The following CACNA2D3 variants were observed in gnomAD, a reference collection of about 807,000 sequenced individuals.
CACNA2D3 encodes the protein voltage-dependent calcium channel subunit alpha-2/delta-3.
CACNA2D3 carries 60 observed loss-of-function variants against 160.6 expected under a neutral mutation model. The observed-to-expected ratio is 0.37, with a 90% CI of 0.30 to 0.46. CACNA2D3 has a LOEUF of 0.46. CACNA2D3 is among the 20% of genes least tolerant of loss of function. The pLI is 1.00. For synonymous variants in CACNA2D3, 558 were observed against 492.9 expected (o/e 1.13, Z -1.75); for missense variants, 1,205 against 1,365.0 (o/e 0.88, Z 1.85).
intron 11 of CACNA2D3, among the ~76,000 whole-genome samples, chr3:54,742,636 T>C (rs986503261): frequency 4.6e-5 from 7 of 151,880 alleles, no homozygotes; most frequent in African/African-American, 1.5e-4. Flanking sequence ...AAAGGAGAGA[T>C]TTCCACTGAA....
chr3:54,316,810 A>G (rs2107504481), intron 2 of CACNA2D3, among the ~76,000 whole-genome samples: 1 of 152,362 alleles, frequency 6.6e-6, no homozygotes, highest in Admixed American at 6.5e-5. Flanking sequence ...TTAGAGTTCA[A>G]TAAATCGATT....
chr3:54,321,976 ATAT>A, intron 3 of CACNA2D3, among the ~76,000 whole-genome samples: 1 of 151,646 alleles, frequency 6.6e-6, no homozygotes, highest in South Asian at 2.1e-4. Flanking sequence ...AGAGGGGGAC[ATAT>A]TATTTTAGCA....
intron 4 of CACNA2D3, among the ~76,000 whole-genome samples, chr3:54,399,909 C>T (rs1329606223): frequency 8.1e-6 from 1 of 122,836 alleles, no homozygotes; most frequent in Non-Finnish European, 1.7e-5. Context: ...CTCGTTGCCG[C>T]CTTGCAGTTT....
At chr3:54,259,746 C>T (rs1702369570) in intron 2 of CACNA2D3, among the ~76,000 whole-genome samples, 1 of 152,170 alleles carries the variant, frequency 6.6e-6, no homozygotes, top group African/African-American at 2.4e-5. Flanking sequence ...AGGAAACATA[C>T]AAAATTAAAC....
intron 3 of CACNA2D3, among the ~76,000 whole-genome samples, chr3:54,337,789 A>G (rs1704419301): frequency 6.6e-6 from 1 of 152,186 alleles, no homozygotes; most frequent in African/African-American, 2.4e-5. Context: ...AGGTGGCTAT[A>G]TAACATTGGC....
chr3:54,282,073 C>T (rs7619571), intron 2 of CACNA2D3, among the ~76,000 whole-genome samples: 84,317 of 152,080 alleles, frequency 0.55, 23,813 homozygotes, highest in East Asian at 0.72. Context: ...ATAGAAGGCT[C>T]TTCATCACAT....
chr3:54,443,789 T>A (rs750737321), intron 4 of CACNA2D3, among the ~76,000 whole-genome samples: 6 of 152,218 alleles, frequency 3.9e-5, no homozygotes, highest in Non-Finnish European at 8.8e-5. Context: ...GAAAACAAGT[T>A]TCACGGTTTC....
Position 54,675,074 on chromosome 3 carries a change from C to T in CACNA2D3, c.1167+32833C>T, listed in dbSNP as rs563957305. 1.1e-4 allele frequency among the ~76,000 whole-genome samples: 16 copies of T among 152,208 alleles called. 1 individual carries two copies. In the South Asian group the frequency reaches 3.1e-3, roughly 30 times the overall value. On this transcript the variant is annotated intron_variant, in intron 11 of 37. Transcript: ENST00000474759. ...ATGGTTAGTCTAGCCTGACAAAAAG[C>T]GCACCACAGGATCTGGGCTTTTTCA...
chr3:54,347,317 C>G (rs1268202860), intron 3 of CACNA2D3, among the ~76,000 whole-genome samples: 1 of 152,186 alleles, frequency 6.6e-6, no homozygotes, highest in African/African-American at 2.4e-5. Flanking sequence ...ATCTCTTAAC[C>G]AGTGCACTTT....
chr3:54,846,941 T>C (rs556716100), intron 17 of CACNA2D3, among the ~76,000 whole-genome samples: 1 of 152,396 alleles, frequency 6.6e-6, no homozygotes, highest in East Asian at 1.9e-4. Context: ...GTCTTGTGGA[T>C]AGAAGCTATT....
chr3:54,721,657 A>G (rs933764731), intron 11 of CACNA2D3, among the ~76,000 whole-genome samples: 2 of 151,010 alleles, frequency 1.3e-5, no homozygotes, highest in African/African-American at 4.9e-5. Flanking sequence ...ACTACTTGGG[A>G]GGCTGAGACC....
intron 13 of CACNA2D3, among the ~76,000 whole-genome samples, chr3:54,793,422 T>G (rs1178940601): frequency 6.6e-6 from 1 of 152,248 alleles, no homozygotes; most frequent in African/African-American, 2.4e-5. Context: ...TTTGAGCTAC[T>G]TAAGCTTTTC....
chr3:54,678,451 G>C (rs778905349), intron 11 of CACNA2D3, among the ~76,000 whole-genome samples: 22 of 152,084 alleles, frequency 1.4e-4, no homozygotes, highest in Admixed American at 9.8e-4. Context: ...GGCCGGGCGC[G>C]GTGGCTCACG....
At chr3:55,010,904 G>A (rs939763327) in intron 34 of CACNA2D3, among the ~76,000 whole-genome samples, 1 of 152,196 alleles carries the variant, frequency 6.6e-6, no homozygotes, top group East Asian at 1.9e-4. Flanking sequence ...TTGATGGTAG[G>A]AGCTGTGTCT....
At chr3:54,855,221 G>A (rs1296831152) in intron 17 of CACNA2D3, among the ~76,000 whole-genome samples, 2 of 152,138 alleles carry the variant, frequency 1.3e-5, no homozygotes, top group Non-Finnish European at 2.9e-5. Flanking sequence ...GGGGAGTCAG[G>A]CTGTGTGTTC....
intron 4 of CACNA2D3, among the ~76,000 whole-genome samples, chr3:54,439,376 G>T (rs1175533076): frequency 6.6e-6 from 1 of 151,932 alleles, no homozygotes; most frequent in Non-Finnish European, 1.5e-5. Context: ...CTCAAGGGCA[G>T]CAGAATAATC....
At chr3:54,658,117 G>A (rs930556327) in intron 11 of CACNA2D3, among the ~76,000 whole-genome samples, 2 of 152,350 alleles carry the variant, frequency 1.3e-5, no homozygotes, top group Admixed American at 1.3e-4. Context: ...TATCTGGGCT[G>A]TTGTGAATAG....
Position 54,562,836 on chromosome 3 carries a change from C to G in CACNA2D3, c.581C>G (p.Ser194Cys), listed in dbSNP as rs1276494183. 3 of 1,612,912 alleles carry G rather than the reference C, an allele frequency of 1.9e-6. No individual in the cohort carries two copies. Among genetic ancestry groups the G allele is most frequent in the East Asian group, 2.2e-5 (1 of 44,860 alleles). ...GTCAATGGGGTTTATTGGTCTGAAT[C>G]TCTAAACAAAGTTTTTGTAGATAAC... Reference protein sequence around the residue: ...AIVNGVYWSESLNKVFVDNFD... With the variant: ...AIVNGVYWSECLNKVFVDNFD... The change falls in exon 6 of 38, where the codon TCT becomes TGT. Residue 194 changes from serine (S) to cysteine (C), a missense_variant. By Grantham distance (112) the Ser-to-Cys change is moderately radical. Around this residue, in one of 3 missense-constraint regions of CACNA2D3, gnomAD observed 131 missense variants for 201.5 expected, o/e 0.65. Transcript: ENST00000474759.
At chr3:55,010,194 T>G (rs78027400) in intron 34 of CACNA2D3, among the ~76,000 whole-genome samples, 1 of 151,824 alleles carries the variant, frequency 6.6e-6, no homozygotes, top group South Asian at 2.1e-4. Context: ...TGAGTACACA[T>G]GGACACAAAG....
Sources: allele counts gnomAD v4.1 joint callset (sites outside exome capture counted in the v4.1 genomes callset), GRCh38; gene constraint gnomAD v4.1.1; regional missense constraint gnomAD v4.1.1; transcripts MANE v1.5; gene names NCBI Gene and HGNC (gene_info 2026-07-23, HGNC 2026-07-21).